The following TOLLIP variants were observed in gnomAD, a reference collection of about 807,000 sequenced individuals.
TOLLIP encodes the protein toll-interacting protein.
In TOLLIP, 16 loss-of-function variants were observed where a neutral mutation model predicts 33.5. The observed-to-expected ratio is 0.48, with a 90% CI of 0.32 to 0.72. The LOEUF is 0.72. Ranked by LOEUF, TOLLIP falls within the 30% of genes least tolerant of loss-of-function variation. TOLLIP has a pLI of 0.03. For missense variants in TOLLIP, 325 were observed against 396.6 expected (o/e 0.82, Z 1.53); for synonymous variants, 176 against 163.7 (o/e 1.07, Z -0.57).
Position 1,300,825 on chromosome 11 carries a change from G to A in TOLLIP, c.34-5031C>T, listed in dbSNP as rs575133767. ...GCCCCTGAAGCACGGCTGGCCACAC[G>A]CAGGCGGCAGGAGACCAGGGTTTCC... On this transcript the variant is annotated intron_variant, in intron 1 of 5. Coordinates refer to ENST00000317204, the MANE Select transcript of TOLLIP (RefSeq NM_019009.4). 3.3e-5 allele frequency among the ~76,000 whole-genome samples: 5 copies of A among 152,324 alleles called. No individual in the cohort carries two copies. In the South Asian group the frequency reaches 8.3e-4, roughly 25 times the overall value.
chr11:1,298,953 A>G (rs1050519277), intron 1 of TOLLIP, among the ~76,000 whole-genome samples: 2 of 152,382 alleles, frequency 1.3e-5, no homozygotes, highest in East Asian at 3.9e-4. Flanking sequence ...TGGAGATGGC[A>G]GACATGATGG....
Position 1,277,818 on chromosome 11 carries a change from C to T in TOLLIP, c.611-565G>A, listed in dbSNP as rs1343453036. Among the ~76,000 whole-genome samples, 1 of 152,212 alleles carries T rather than the reference C, an allele frequency of 6.6e-6. No homozygotes were observed. Among genetic ancestry groups the T allele is most frequent in the African/African-American group, 2.4e-5 (1 of 41,452 alleles). On this transcript the variant is annotated intron_variant, in intron 5 of 5. Transcript: ENST00000317204. This position sits in a 1 kb window ranked among gnomAD's most constrained non-coding sequence, Gnocchi z 4.2. Reference sequence around the variant, plus strand: ...AACAATCACCACAGGCACTGAAGACCTCAGCAAAGCTGCAGCCGATGCCCA... The same window carrying T: ...AACAATCACCACAGGCACTGAAGACTTCAGCAAAGCTGCAGCCGATGCCCA...
intron 1 of TOLLIP, among the ~76,000 whole-genome samples, chr11:1,298,783 G>A (rs972807921): frequency 3.9e-5 from 6 of 152,194 alleles, no homozygotes; most frequent in East Asian, 1.9e-4. Flanking sequence ...GCAGGTGCGC[G>A]TCCAGCTCCC....
rs1190932071 is a variant in TOLLIP at position 1,276,312 on chromosome 11, C to T, written c.*727G>A. 9 of 222,136 alleles carry T rather than the reference C, an allele frequency of 4.1e-5. No individual in the cohort carries two copies. The highest frequency in any genetic ancestry group is 2.6e-4 in the South Asian group (4 of 15,242). 13.8% of individuals were successfully genotyped at this position (222,136 alleles called of 1,614,324 possible). ...AGCAGGAGAGACGGACGGCAGCCTC[C>T]GGCGGGCGAAGGACCCGGCTTCAGA... On this transcript the variant is annotated 3_prime_UTR_variant, in exon 6 of 6. Transcript: ENST00000317204.
Position 1,290,233 on chromosome 11 carries a change from G to A in TOLLIP, c.360C>T (p.Phe120=), listed in dbSNP as rs535858349. The change falls in exon 3 of 6, where the codon TTC becomes TTT. Residue 120 remains phenylalanine, a synonymous_variant. Coordinates refer to ENST00000317204, the MANE Select transcript of TOLLIP (RefSeq NM_019009.4). The surrounding 1 kb of genome is among the most constrained non-coding windows in gnomAD (Gnocchi z 4.9). ...PGVDSFYLEI[F]DERAFSMDDR... ...GCTGGCACGTCCCTCTCACCTCATC[G>A]AAGATCTCGAGATAGAAAGAGTCCA... is the stretch of plus-strand genomic sequence containing the variant. The A allele has an allele frequency of 6.2e-6, 10 of 1,612,984 alleles. No homozygotes were observed. The highest frequency in any genetic ancestry group is 3.3e-4 in the Middle Eastern group (2 of 6,060).
chr11:1,291,643 C>G, intron 2 of TOLLIP, among the ~76,000 whole-genome samples: 1 of 150,698 alleles, frequency 6.6e-6, no homozygotes, highest in Non-Finnish European at 1.5e-5. Context: ...CCGCACCCCT[C>G]TGAGGGCACG....
At position 1,303,542 on chromosome 11, in the gene TOLLIP, T is replaced by C. The variant is rs5743894; in HGVS notation, c.33+5924A>G. ...TGTATGCTAACGGCAGGAGGCGCTG[T>C]GCAAAGAAACAGGGCAAGGCCGGGT... On this transcript the variant is annotated intron_variant, in intron 1 of 5. Coordinates refer to ENST00000317204, the MANE Select transcript of TOLLIP (RefSeq NM_019009.4). The surrounding 1 kb of genome is among the most constrained non-coding windows in gnomAD (Gnocchi z 4.2). Among the ~76,000 whole-genome samples, 19,166 of 152,244 alleles carry C rather than the reference T, an allele frequency of 0.13. 1,543 individuals are homozygous for C. Among genetic ancestry groups the C allele is most frequent in the Non-Finnish European group, 0.18 (12,242 of 68,004 alleles).
intron 5 of TOLLIP, among the ~76,000 whole-genome samples, chr11:1,285,329 CT>C (rs910790731): frequency 9.9e-5 from 15 of 152,248 alleles, no homozygotes; most frequent in East Asian, 1.9e-4. Context: ...AGGCTCCCCC[CT>C]AGCACCTCCT....
rs569007730 is a variant in TOLLIP at position 1,288,338 on chromosome 11, G to A, written c.519+286C>T. 2.0e-4 allele frequency among the ~76,000 whole-genome samples: 31 copies of A among 152,206 alleles called. No individual in the cohort carries two copies. In the South Asian group the frequency reaches 2.9e-3, roughly 14 times the overall value. On this transcript the variant is annotated intron_variant, in intron 4 of 5. Transcript: ENST00000317204. ...GTGGGGGTCCTCCGAGGACACAGGGGCCTGCAGTGGAGACCACCACAAAGG... is the reference window on the plus strand; with the variant it reads ...GTGGGGGTCCTCCGAGGACACAGGGACCTGCAGTGGAGACCACCACAAAGG...
At chr11:1,302,195 C>T (rs1247419541) in intron 1 of TOLLIP, among the ~76,000 whole-genome samples, 1 of 152,256 alleles carries the variant, frequency 6.6e-6, no homozygotes, top group African/African-American at 2.4e-5. Flanking sequence ...GCCCGCACAC[C>T]TGTGTGATTC....
At chr11:1,302,901 CCCTT>C in intron 1 of TOLLIP, 2 of 546,940 alleles carry the variant, frequency 3.7e-6, no homozygotes, top group Non-Finnish European at 4.7e-6. Flanking sequence ...GCCTTGTCTC[CCCTT>C]CCGGGGCCTT....
At chr11:1,298,977 A>T (rs1023461363) in intron 1 of TOLLIP, among the ~76,000 whole-genome samples, 6 of 152,238 alleles carry the variant, frequency 3.9e-5, no homozygotes, top group Non-Finnish European at 7.3e-5. Flanking sequence ...AACGCAAGGC[A>T]GGGTGCTGGG....
In TOLLIP at chr11:1,277,008, G is replaced by A. The variant is rs1564962197; in HGVS notation, c.*31C>T. On this transcript the variant is annotated 3_prime_UTR_variant, in exon 6 of 6. Coordinates refer to ENST00000317204, the MANE Select transcript of TOLLIP (RefSeq NM_019009.4). This position sits in a 1 kb window ranked among gnomAD's most constrained non-coding sequence, Gnocchi z 4.2. ...AGCGCCGGGTCGGCGTGTCCAAAGA[G>A]CGGGGGCAAAACGGCATCGAGGCAG... 2.5e-6 allele frequency: 4 copies of A among 1,605,466 alleles called. No individual in the cohort carries two copies. Among genetic ancestry groups the A allele is most frequent in the Non-Finnish European group, 3.4e-6 (4 of 1,173,398 alleles).
intron 5 of TOLLIP, among the ~76,000 whole-genome samples, chr11:1,285,125 A>G (rs1365649844): frequency 3.3e-5 from 5 of 151,738 alleles, no homozygotes; most frequent in African/African-American, 1.2e-4. Flanking sequence ...GGCCTCATGC[A>G]GCCCCGAGAC....
Position 1,275,907 on chromosome 11 carries a change from T to C in TOLLIP, c.*1132A>G, listed in dbSNP as rs966416268. Reference sequence around the variant, plus strand: ...ACCACAAACACCAGACATGCAGGTGTCTCAATGGCATGCAGATTATTTAAA... The same window carrying C: ...ACCACAAACACCAGACATGCAGGTGCCTCAATGGCATGCAGATTATTTAAA... On this transcript the variant is annotated 3_prime_UTR_variant, in exon 6 of 6. Coordinates refer to ENST00000317204, the MANE Select transcript of TOLLIP (RefSeq NM_019009.4). 1 of 152,126 alleles carries C rather than the reference T, an allele frequency of 6.6e-6. No individual in the cohort carries two copies. Among genetic ancestry groups the C allele is most frequent in the African/African-American group, 2.4e-5 (1 of 41,404 alleles). 9.4% of individuals were successfully genotyped at this position (152,126 alleles called of 1,614,324 possible). A position where few individuals can be genotyped will look rare whatever the true frequency, so the allele number is the denominator to read the frequency against.
chr11:1,279,441 G>C (rs1863421727), intron 5 of TOLLIP, among the ~76,000 whole-genome samples: 1 of 152,214 alleles, frequency 6.6e-6, no homozygotes, highest in Non-Finnish European at 1.5e-5. Flanking sequence ...AGGCTGCCTG[G>C]GGACTTCAGG....
chr11:1,302,629 T>C (rs573158874), intron 1 of TOLLIP: 25 of 987,488 alleles, frequency 2.5e-5, no homozygotes, highest in Middle Eastern at 5.1e-4. Context: ...GGCCTCACGC[T>C]CCACACCAGC....
intron 1 of TOLLIP, among the ~76,000 whole-genome samples, chr11:1,308,541 C>T (rs545181396): frequency 4.5e-4 from 69 of 152,384 alleles, no homozygotes; most frequent in Middle Eastern, 3.4e-3. Context: ...AGCCAGGAGG[C>T]CACTCACGCC....
chr11:1,279,637 C>T (rs966225532), intron 5 of TOLLIP, among the ~76,000 whole-genome samples: 3 of 152,210 alleles, frequency 2.0e-5, no homozygotes, highest in Non-Finnish European at 2.9e-5. Flanking sequence ...TGCACGCACG[C>T]GGACGGATGT....
Sources: allele counts gnomAD v4.1 joint callset (sites outside exome capture counted in the v4.1 genomes callset), GRCh38; gene constraint gnomAD v4.1.1; non-coding constraint Gnocchi (gnomAD v3.1); transcripts MANE v1.5; gene names NCBI Gene and HGNC (gene_info 2026-07-23, HGNC 2026-07-21).